The following COL8A2 variants were observed in gnomAD, a reference collection of about 807,000 sequenced individuals.
COL8A2 encodes the protein collagen alpha-2(VIII) chain.
In COL8A2, 16 loss-of-function variants were observed where a neutral mutation model predicts 24.0. That is an observed-to-expected ratio of 0.67 (90% CI 0.45 to 1.01). The LOEUF (loss-of-function observed/expected upper bound fraction) is 1.01. COL8A2 is among the 50% of genes least tolerant of loss of function. The probability of loss-of-function intolerance (pLI) is 0.00; values close to 1 mark genes in which losing one functional copy is unlikely to be tolerated. For synonymous variants in COL8A2, 466 were observed against 424.5 expected (o/e 1.10, Z -1.20); for missense variants, 818 against 942.4 (o/e 0.87, Z 1.73).
chr1:36,098,892 C>A lies in COL8A2; in HGVS notation c.789G>T (p.Arg263Ser), dbSNP rs561429435. The A allele has an allele frequency of 1.0e-4, 165 of 1,612,318 alleles. No individual in the cohort carries two copies. The highest frequency in any genetic ancestry group is 2.9e-4 in the East Asian group (13 of 44,830). ...TTGGGCCCACAGCTCCTGGCTCCCC[C>A]CTGGGGCCTGGAACTCCAGGAGGCC... Reference protein sequence around the residue: ...ESGPPGVPGPRGEPGAVGPKG... With the variant: ...ESGPPGVPGPSGEPGAVGPKG... The change falls in exon 4 of 4, where the codon AGG becomes AGT. Residue 263 changes from arginine to serine, a missense_variant. This residue lies in a region of COL8A2 where 573 missense variants were observed against 616.8 expected (regional missense o/e 0.93). Coordinates refer to ENST00000397799, the MANE Select transcript of COL8A2 (RefSeq NM_005202.4).
chr1:36,115,889 T>C lies in COL8A2; in HGVS notation c.-61-137A>G, dbSNP rs1444257536. 1.8e-5 allele frequency: 5 copies of C among 278,016 alleles called. No individual in the cohort carries two copies. Among genetic ancestry groups the C allele is most frequent in the South Asian group, 2.8e-4 (2 of 7,186 alleles). 17.2% of individuals were successfully genotyped at this position (278,016 alleles called of 1,614,324 possible). A position where few individuals can be genotyped will look rare whatever the true frequency, so the allele number is the denominator to read the frequency against. On this transcript the variant is annotated intron_variant, in intron 1 of 3. Transcript: ENST00000397799. This position sits in a 1 kb window ranked among gnomAD's most constrained non-coding sequence, Gnocchi z 5.7. ...CCAGCCTGGGCAACATAGGGAGACA[T>C]TGTCTGTACTAAAAATTTTAAAAAA...
chr1:36,116,272 G>A (rs1166910429), intron 1 of COL8A2, among the ~76,000 whole-genome samples: 1 of 152,162 alleles, frequency 6.6e-6, no homozygotes, highest in East Asian at 1.9e-4. Context: ...CATTCATTCA[G>A]TGCACACTTA....
At chr1:36,111,978 A>G (rs1643847601) in intron 2 of COL8A2, among the ~76,000 whole-genome samples, 1 of 151,920 alleles carries the variant, frequency 6.6e-6, no homozygotes, top group Admixed American at 6.6e-5. Context: ...TCTGAGCATC[A>G]CTTCTGTTGT....
chr1:36,097,529 A>C lies in COL8A2; in HGVS notation c.*40T>G. The C allele has an allele frequency of 6.7e-7, 1 of 1,482,464 alleles. No homozygotes were observed. Among genetic ancestry groups the C allele is most frequent in the Non-Finnish European group, 9.3e-7 (1 of 1,079,300 alleles). The allele number at this position is 1,482,464 out of a possible 1,614,324, so 91.8% of individuals were successfully genotyped here. On this transcript the variant is annotated 3_prime_UTR_variant, in exon 4 of 4. Coordinates refer to ENST00000397799, the MANE Select transcript of COL8A2 (RefSeq NM_005202.4). ...TAATTGAAAAGGTCGCTCTACCACT[A>C]AAGGGGAGGAGGCCAGGGCAGCAGG...
At chr1:36,102,688 T>TTTTG in intron 2 of COL8A2, among the ~76,000 whole-genome samples, 1 of 146,610 alleles carries the variant, frequency 6.8e-6, no homozygotes, top group African/African-American at 2.5e-5. Flanking sequence ...TTTTTTTTTT[T>TTTTG]TGAGATGGAG....
chr1:36,098,770 C>G lies in COL8A2; in HGVS notation c.911G>C (p.Arg304Pro), dbSNP rs369487110. The G allele has an allele frequency of 1.2e-6, 2 of 1,611,330 alleles. No homozygotes were observed. Among genetic ancestry groups the G allele is most frequent in the East Asian group, 2.2e-5 (1 of 44,786 alleles). The change falls in exon 4 of 4, where the codon CGG becomes CCG. Residue 304 changes from arginine (R) to proline (P), a missense_variant. Physicochemically the swap from Arg to Pro is moderately radical, Grantham distance 103. Transcript: ENST00000397799. ...PSGAKGEPGT[R>P]GPPGLIGPTG... is the part of the protein sequence containing the mutation. ...GGGGCCTATCAGCCCAGGGGGGCCC[C>G]GGGTCCCTGGCTCCCCTTTGGCCCC... is the stretch of plus-strand genomic sequence containing the variant.
chr1:36,098,693 C>T lies in COL8A2; in HGVS notation c.988G>A (p.Ala330Thr). Residue 330 changes from alanine to threonine, a missense_variant, in exon 4 of 4, where the codon GCT becomes ACT. Ala to Thr is a moderately conservative substitution (Grantham distance 58). Transcript: ENST00000397799. ...LPGPKGDRGPAGVPGLLGDRG... is the reference protein window; with the variant it reads ...LPGPKGDRGPTGVPGLLGDRG... Reference sequence around the variant, plus strand: ...TCCCCCAAGAGTCCTGGGACCCCAGCTGGGCCCCTGTCCCCCTTGGGGCCT... The same window carrying T: ...TCCCCCAAGAGTCCTGGGACCCCAGTTGGGCCCCTGTCCCCCTTGGGGCCT... The T allele has an allele frequency of 6.2e-7, 1 of 1,609,326 alleles. No homozygotes were observed. Among genetic ancestry groups the T allele is most frequent in the Non-Finnish European group, 8.5e-7 (1 of 1,178,682 alleles).
In COL8A2 at chr1:36,115,007, C is replaced by T. The variant is rs993626607; in HGVS notation, c.-17+701G>A. ...AAGTGCCCAGGAAGGTAAGAACAGC[C>T]GGGCAGGGGCAGATGGACTAGAAAA... On this transcript the variant is annotated intron_variant, in intron 2 of 3. Coordinates refer to ENST00000397799, the MANE Select transcript of COL8A2 (RefSeq NM_005202.4). The surrounding 1 kb of genome is among the most constrained non-coding windows in gnomAD (Gnocchi z 5.7). Among the ~76,000 whole-genome samples the T allele has an allele frequency of 3.3e-5, 5 of 152,172 alleles. No individual in the cohort carries two copies. The highest frequency in any genetic ancestry group is 4.4e-5 in the Non-Finnish European group (3 of 68,018).
At chr1:36,105,229 C>CG in intron 2 of COL8A2, among the ~76,000 whole-genome samples, 1 of 152,166 alleles carries the variant, frequency 6.6e-6, no homozygotes, top group African/African-American at 2.4e-5. Flanking sequence ...CCAGTTCTAC[C>CG]ACCAACCCAC....
chr1:36,099,053 C>A lies in COL8A2; in HGVS notation c.628G>T (p.Val210Leu). ...GCCCCAGGCAGCCCGGGCTGGCCCACTCCATTATCCCCCTTGAGGCCTCGA... is the reference window on the plus strand; with the variant it reads ...GCCCCAGGCAGCCCGGGCTGGCCCAATCCATTATCCCCCTTGAGGCCTCGA... ...GDRGLKGDNG[V>L]GQPGLPGAPG... Residue 210 changes from valine (V) to leucine (L), a missense_variant, in exon 4 of 4, where the codon GTG becomes TTG. By Grantham distance (32) the Val-to-Leu change is conservative. Transcript: ENST00000397799. 1 of 1,523,582 alleles carries A rather than the reference C, an allele frequency of 6.6e-7. No homozygotes were observed. Among genetic ancestry groups the A allele is most frequent in the East Asian group, 2.3e-5 (1 of 43,538 alleles). 94.4% of individuals were successfully genotyped at this position (1,523,582 alleles called of 1,614,324 possible).
chr1:36,122,651 C>G (rs274127), intron 1 of COL8A2, among the ~76,000 whole-genome samples: 14,868 of 152,090 alleles, frequency 0.098, 1,688 homozygotes, highest in East Asian at 0.26. Context: ...ACTTCTTCCT[C>G]TCATCCCCAT....
chr1:36,101,240 C>G (rs1441110848), intron 2 of COL8A2, among the ~76,000 whole-genome samples: 26 of 152,166 alleles, frequency 1.7e-4, no homozygotes, highest in Admixed American at 1.7e-3. Context: ...GTCTCCAACT[C>G]TATTGCCTGC....
chr1:36,119,776 G>T (rs1014978891), intron 1 of COL8A2, among the ~76,000 whole-genome samples: 3 of 152,206 alleles, frequency 2.0e-5, no homozygotes, highest in Admixed American at 6.5e-5. Context: ...GGAGACCAAA[G>T]AGTTGGCCAC....
At chr1:36,100,007 G>A (rs776118604) in intron 3 of COL8A2, 43 bp downstream of exon 3, 1 of 1,580,154 alleles carries the variant, frequency 6.3e-7, no homozygotes, top group Non-Finnish European at 8.7e-7. Flanking sequence ...GGATTTGGGG[G>A]CTGGGAGCGA....
chr1:36,112,821 G>A (rs534203079), intron 2 of COL8A2, among the ~76,000 whole-genome samples: 13 of 152,226 alleles, frequency 8.5e-5, no homozygotes, highest in Non-Finnish European at 1.5e-4. Flanking sequence ...ATCGAGATTC[G>A]GTTGGTGTGG....
At chr1:36,108,129 A>C (rs1359606446) in intron 2 of COL8A2, among the ~76,000 whole-genome samples, 4 of 152,224 alleles carry the variant, frequency 2.6e-5, no homozygotes, top group African/African-American at 9.6e-5. Flanking sequence ...TAAATGTCAC[A>C]TTCACCCAGG....
chr1:36,110,614 C>T (rs1185325624), intron 2 of COL8A2, among the ~76,000 whole-genome samples: 1 of 152,134 alleles, frequency 6.6e-6, no homozygotes, highest in African/African-American at 2.4e-5. Flanking sequence ...ATCAGCCTCC[C>T]GTGTGGCTGG....
In COL8A2 at chr1:36,098,996, C is replaced by CG. The variant is rs769991029; in HGVS notation, c.684dup (p.Gly229ArgfsTer25). 1.6e-5 allele frequency: 25 copies of CG among 1,588,116 alleles called. No homozygotes were observed. The highest frequency in any genetic ancestry group is 3.5e-5 in the Admixed American group (2 of 56,828). On this transcript the variant is annotated frameshift_variant, in exon 4 of 4. Coordinates refer to ENST00000397799, the MANE Select transcript of COL8A2 (RefSeq NM_005202.4). LOFTEE classifies it low-confidence loss of function (END_TRUNC). ...CCTAAGCCAGCTGGACCAGGGAGGCCGGGGGGGCCGGGGGCACCCCCCTGC... is the reference window on the plus strand; with the variant it reads ...CCTAAGCCAGCTGGACCAGGGAGGCCGGGGGGGGCCGGGGGCACCCCCCTGC...
intron 2 of COL8A2, among the ~76,000 whole-genome samples, chr1:36,102,603 A>C (rs896934616): frequency 2.0e-5 from 3 of 151,926 alleles, no homozygotes; most frequent in African/African-American, 7.3e-5. Flanking sequence ...GTAAAAAAAA[A>C]CACTGAATTG....
Sources: gnomAD v4.1 joint callset for allele counts (sites outside exome capture counted in the v4.1 genomes callset) on GRCh38, gnomAD v4.1.1 for gene constraint, gnomAD v4.1.1 regional missense constraint, Gnocchi (gnomAD v3.1) non-coding constraint, MANE v1.5 for transcripts, NCBI Gene and HGNC (gene_info 2026-07-23, HGNC 2026-07-21) for gene names.